GRIA4: variants seen among roughly 807,000 people sequenced by gnomAD.
GRIA4 encodes the protein glutamate receptor 4.
In GRIA4, 34 loss-of-function variants were observed where a neutral mutation model predicts 104.0. The ratio of observed to expected loss-of-function variants is 0.33; its 90% CI spans 0.25 to 0.44. The LOEUF (loss-of-function observed/expected upper bound fraction) is 0.44. GRIA4 is among the 20% of genes least tolerant of loss of function. The probability of loss-of-function intolerance (pLI) is 1.00; values close to 1 mark genes in which losing one functional copy is unlikely to be tolerated. For missense variants in GRIA4, 750 were observed against 1,096.5 expected (o/e 0.68, Z 4.46); for synonymous variants, 386 against 381.9 (o/e 1.01, Z -0.13).
intron 5 of GRIA4, among the ~76,000 whole-genome samples, chr11:105,881,254 T>C (rs779338434): frequency 2.6e-5 from 4 of 152,154 alleles, no homozygotes; most frequent in Non-Finnish European, 5.9e-5. Context: ...TGTGGGCTGC[T>C]GGGAAGGAGG....
intron 2 of GRIA4, among the ~76,000 whole-genome samples, chr11:105,612,002 C>T (rs1213624462): frequency 1.3e-5 from 2 of 152,060 alleles, no homozygotes; most frequent in African/African-American, 2.4e-5. Flanking sequence ...TGCTGGGAAT[C>T]AGGGGGAGGG....
chr11:105,958,647 TTCTC>T (rs1340197910), intron 14 of GRIA4, among the ~76,000 whole-genome samples: 1 of 152,100 alleles, frequency 6.6e-6, no homozygotes, highest in Admixed American at 6.5e-5. Context: ...TTAGGGAGGA[TTCTC>T]TCTTTTTCTA....
chr11:105,621,667 C>T (rs1346679484), intron 3 of GRIA4, among the ~76,000 whole-genome samples: 2 of 151,728 alleles, frequency 1.3e-5, no homozygotes, highest in African/African-American at 4.8e-5. Context: ...ATATTACAAA[C>T]TAAACAACAG....
At chr11:105,822,302 T>C (rs1412742972) in intron 4 of GRIA4, among the ~76,000 whole-genome samples, 3 of 152,058 alleles carry the variant, frequency 2.0e-5, no homozygotes, top group Non-Finnish European at 4.4e-5. Context: ...AGTAAAAGAA[T>C]GTGAAGTTTC....
At chr11:105,940,749 T>C (rs753412509) in intron 14 of GRIA4, among the ~76,000 whole-genome samples, 3 of 152,110 alleles carry the variant, frequency 2.0e-5, no homozygotes, top group Non-Finnish European at 4.4e-5. Flanking sequence ...TCCACAACTT[T>C]AGGTGTCATT....
chr11:105,925,587 A>C (rs1433601516), intron 12 of GRIA4, among the ~76,000 whole-genome samples: 1 of 152,148 alleles, frequency 6.6e-6, no homozygotes, highest in Non-Finnish European at 1.5e-5. Context: ...CATTTTGGGC[A>C]CAATGCAATT....
chr11:105,876,548 G>A (rs140361084), intron 5 of GRIA4, among the ~76,000 whole-genome samples: 2 of 151,964 alleles, frequency 1.3e-5, no homozygotes, highest in Admixed American at 6.6e-5. Flanking sequence ...TGTGGGAGTC[G>A]AGGTTTCTTT....
At chr11:105,969,513 A>G (rs553469392) in intron 14 of GRIA4, among the ~76,000 whole-genome samples, 4 of 152,316 alleles carry the variant, frequency 2.6e-5, no homozygotes, top group Admixed American at 6.5e-5. Flanking sequence ...AAAGAAGGCC[A>G]TAGGAGAAAA....
chr11:105,648,552 A>C (rs1248324099), intron 3 of GRIA4, among the ~76,000 whole-genome samples: 1 of 151,792 alleles, frequency 6.6e-6, no homozygotes, highest in African/African-American at 2.4e-5. Context: ...AATAAATGCA[A>C]AAAGAAAAAA....
rs114969082 is a variant in GRIA4, at chr11:105,730,857, A to C, written c.248-22124A>C. Among the ~76,000 whole-genome samples, 538 of 152,160 alleles carry C rather than the reference A, an allele frequency of 3.5e-3. 3 individuals are homozygous for C. Among genetic ancestry groups the C allele is most frequent in the African/African-American group, 0.012 (513 of 41,538 alleles). On this transcript the variant is annotated intron_variant, in intron 3 of 16. Transcript: ENST00000282499. ...AAACTGAAACTTGACCCCTTCCTTA[A>C]ACTTTATACAAGGATTAACTCAAGA...
intron 4 of GRIA4, among the ~76,000 whole-genome samples, chr11:105,814,142 G>C (rs1339611876): frequency 6.6e-6 from 1 of 152,148 alleles, no homozygotes; most frequent in Non-Finnish European, 1.5e-5. Flanking sequence ...GAGAATCAAG[G>C]CCTTTAGCAC....
intron 3 of GRIA4, among the ~76,000 whole-genome samples, chr11:105,687,099 T>C (rs1313482627): frequency 6.6e-6 from 1 of 152,220 alleles, no homozygotes; most frequent in Non-Finnish European, 1.5e-5. Flanking sequence ...TTTGTTTTTG[T>C]AGCAATTGCT....
At chr11:105,932,147 T>A (rs2136208720) in intron 13 of GRIA4, among the ~76,000 whole-genome samples, 1 of 151,982 alleles carries the variant, frequency 6.6e-6, no homozygotes, top group East Asian at 1.9e-4. Context: ...TTTCTTTTTT[T>A]CTTTTTTTTT....
At chr11:105,881,393 C>T (rs963627217) in intron 5 of GRIA4, among the ~76,000 whole-genome samples, 9 of 152,156 alleles carry the variant, frequency 5.9e-5, no homozygotes, top group African/African-American at 2.2e-4. Context: ...TATGCATTGA[C>T]ATGACAAGGA....
intron 3 of GRIA4, among the ~76,000 whole-genome samples, chr11:105,704,630 T>A (rs116641158): frequency 5.5e-4 from 84 of 152,108 alleles, no homozygotes; most frequent in African/African-American, 2.0e-3. Flanking sequence ...ATTTCTTAAG[T>A]AGAACTCCTA....
intron 3 of GRIA4, among the ~76,000 whole-genome samples, chr11:105,715,509 C>T (rs1372780193): frequency 6.6e-6 from 1 of 152,052 alleles, no homozygotes; most frequent in African/African-American, 2.4e-5. Context: ...TACAAGAAGT[C>T]AGACCAGGAA....
intron 14 of GRIA4, among the ~76,000 whole-genome samples, chr11:105,971,413 C>T (rs562637385): frequency 1.3e-4 from 20 of 152,194 alleles, no homozygotes; most frequent in Non-Finnish European, 2.5e-4. Context: ...TGGATGAAAG[C>T]GGTCAAGAAG....
chr11:105,923,604 T>C (rs1312634871), intron 11 of GRIA4, among the ~76,000 whole-genome samples: 1 of 152,106 alleles, frequency 6.6e-6, no homozygotes, highest in African/African-American at 2.4e-5. Flanking sequence ...CGTTATGAGG[T>C]AAACAGGGAA....
Position 105,971,039 on chromosome 11 carries a change from C to T in GRIA4, c.2295-875C>T, listed in dbSNP as rs1271910107. ...CTCTAATAAATATAAATAGAGTCTT[C>T]TTATAAGAGGAGTTTGTCTATTCAG... On this transcript the variant is annotated intron_variant, in intron 14 of 16. Transcript: ENST00000282499. 2.6e-5 allele frequency among the ~76,000 whole-genome samples: 4 copies of T among 152,110 alleles called. 1 individual carries two copies. In the East Asian group the frequency reaches 7.7e-4, roughly 29 times the overall value.
Sources: gnomAD v4.1 joint callset for allele counts (sites outside exome capture counted in the v4.1 genomes callset) on GRCh38, gnomAD v4.1.1 for gene constraint, MANE v1.5 for transcripts, NCBI Gene and HGNC (gene_info 2026-07-23, HGNC 2026-07-21) for gene names.